Variants in INPP5D observed in about 807,000 individuals in gnomAD.
INPP5D encodes inositol polyphosphate-5-phosphatase D, also known as phosphatidylinositol 3,4,5-trisphosphate 5-phosphatase 1.
A neutral mutation model predicts 122.9 loss-of-function variants in INPP5D; 33 were observed. The observed-to-expected ratio is 0.27, with a 90% CI of 0.20 to 0.36. The LOEUF is 0.36. Among genes scored for constraint, INPP5D ranks in the 10% least tolerant of loss-of-function variants. INPP5D has a pLI of 1.00. For missense variants in INPP5D, 1,053 were observed against 1,412.7 expected (o/e 0.75, Z 4.08); for synonymous variants, 584 against 576.2 (o/e 1.01, Z -0.19).
chr2:233,119,132 T>G (rs1361949193), intron 2 of INPP5D, among the ~76,000 whole-genome samples: 1 of 152,246 alleles, frequency 6.6e-6, no homozygotes, highest in Non-Finnish European at 1.5e-5. Context: ...TAAAATAACG[T>G]GTCTTACTTG....
At chr2:233,109,603 G>C (rs1367377453) in intron 2 of INPP5D, among the ~76,000 whole-genome samples, 1 of 152,070 alleles carries the variant, frequency 6.6e-6, no homozygotes, top group Non-Finnish European at 1.5e-5. Context: ...TGTTGAGATG[G>C]AATCTCGCCC....
At position 233,102,025 on chromosome 2, in the gene INPP5D, C is replaced by T. The variant is rs1012915163; in HGVS notation, c.199-20082C>T. On this transcript the variant is annotated intron_variant, in intron 2 of 26. Coordinates refer to ENST00000445964, the MANE Select transcript of INPP5D (RefSeq NM_001017915.3). ...CGTGGCTCTCACTGACTGGGAGCCA[C>T]GCCCCGGGCTCTGTTAGTTCGTTAA... 5.3e-5 allele frequency among the ~76,000 whole-genome samples: 8 copies of T among 151,860 alleles called. 1 individual carries two copies. The South Asian group carries it at 1.0e-3, about 20-fold the overall frequency.
At chr2:233,190,221 C>A (rs1034985368) in intron 22 of INPP5D, among the ~76,000 whole-genome samples, 2 of 152,194 alleles carry the variant, frequency 1.3e-5, no homozygotes, top group Non-Finnish European at 2.9e-5. Flanking sequence ...ATAACCTTGA[C>A]AAGACCTTAC....
At chr2:233,147,263 G>A (rs1395901095) in intron 8 of INPP5D, among the ~76,000 whole-genome samples, 3 of 152,224 alleles carry the variant, frequency 2.0e-5, no homozygotes, top group African/African-American at 4.8e-5. Flanking sequence ...CACAGTGGAC[G>A]AGGGGGATGC....
chr2:233,156,913 C>T (rs780446387), intron 9 of INPP5D, among the ~76,000 whole-genome samples: 2 of 152,192 alleles, frequency 1.3e-5, no homozygotes, highest in African/African-American at 4.8e-5. Context: ...AGAAAGCCAG[C>T]CTTTCAAGCA....
chr2:233,204,610 C>A lies in INPP5D; in HGVS notation c.3460C>A (p.Gln1154Lys). The change falls in exon 26 of 27, where the codon CAG becomes AAG. Residue 1154 changes from glutamine to lysine, a missense_variant. By Grantham distance (53) the Gln-to-Lys change is moderately conservative. Transcript: ENST00000445964. The part of the protein sequence containing the change: ...PVKSPAVLHL[Q>K]HSKGRDYRDN... ...CAAGAGCCCGGCGGTGCTGCACCTC[C>A]AGCACTCCAAGGGCCGCGACTACCG... 6.3e-7 allele frequency: 1 copy of A among 1,575,912 alleles called. No homozygotes were observed. The highest frequency in any genetic ancestry group is 2.4e-5 in the East Asian group (1 of 42,494).
intron 2 of INPP5D, among the ~76,000 whole-genome samples, chr2:233,085,846 G>A (rs1415336097): frequency 6.6e-6 from 1 of 152,114 alleles, no homozygotes; most frequent in African/African-American, 2.4e-5. Flanking sequence ...CCAAATGACT[G>A]TCTTTATTTT....
At chr2:233,126,404 A>G (rs1051920700) in intron 4 of INPP5D, among the ~76,000 whole-genome samples, 1 of 152,138 alleles carries the variant, frequency 6.6e-6, no homozygotes, top group Non-Finnish European at 1.5e-5. Context: ...CAAAATATGA[A>G]GTAGATGCCG....
At chr2:233,131,111 A>C in intron 5 of INPP5D, 1 of 952,896 alleles carries the variant, frequency 1.0e-6, no homozygotes, top group Non-Finnish European at 1.2e-6. Context: ...TCAAAGGGAG[A>C]TGATTCACCA....
intron 5 of INPP5D, among the ~76,000 whole-genome samples, chr2:233,139,449 A>G (rs920624512): frequency 2.0e-5 from 3 of 147,200 alleles, no homozygotes; most frequent in African/African-American, 5.2e-5. Context: ...GAGCCCAGAA[A>G]TTTGCATTGT....
At chr2:233,101,918 T>C (rs1692326553) in intron 2 of INPP5D, among the ~76,000 whole-genome samples, 1 of 151,976 alleles carries the variant, frequency 6.6e-6, no homozygotes, top group South Asian at 2.1e-4. Flanking sequence ...TGCCCATTCT[T>C]CTGAGCTTCA....
chr2:233,195,927 C>T (rs984820566), intron 24 of INPP5D, among the ~76,000 whole-genome samples: 1 of 152,142 alleles, frequency 6.6e-6, no homozygotes, highest in African/African-American at 2.4e-5. Context: ...GCCGAGATTT[C>T]ACCACTGTAC....
intron 2 of INPP5D, among the ~76,000 whole-genome samples, chr2:233,110,602 A>G (rs1692597199): frequency 6.6e-6 from 1 of 152,196 alleles, no homozygotes; most frequent in South Asian, 2.1e-4. Context: ...GATTTTCAAC[A>G]AACTATTACA....
chr2:233,194,061 G>A (rs921764434), intron 23 of INPP5D, 100 bp downstream of exon 23: 39 of 1,428,080 alleles, frequency 2.7e-5, no homozygotes, highest in South Asian at 1.1e-4. Flanking sequence ...TCTCTGCTGC[G>A]GCCTCAGAGC....
chr2:233,147,738 G>A (rs544272334), intron 9 of INPP5D, 144 bp downstream of exon 9: 94 of 609,496 alleles, frequency 1.5e-4, no homozygotes, highest in African/African-American at 1.5e-3. Context: ...GTGTGTGTGT[G>A]TGTCTCTTCT....
At chr2:233,203,340 A>G (rs891080769) in intron 25 of INPP5D, among the ~76,000 whole-genome samples, 1 of 152,156 alleles carries the variant, frequency 6.6e-6, no homozygotes, top group Non-Finnish European at 1.5e-5. Flanking sequence ...TGTGGAGAGC[A>G]GGCTCATCTG....
At chr2:233,081,198 G>A (rs965949538) in intron 2 of INPP5D, among the ~76,000 whole-genome samples, 5 of 152,238 alleles carry the variant, frequency 3.3e-5, no homozygotes, top group African/African-American at 1.2e-4. Context: ...GTCTCTGACA[G>A]GGGCTCTTCA....
Position 233,078,016 on chromosome 2 carries a change from G to A in INPP5D, c.135-1319G>A, listed in dbSNP as rs1229248122. On this transcript the variant is annotated intron_variant, in intron 1 of 26. Coordinates refer to ENST00000445964, the MANE Select transcript of INPP5D (RefSeq NM_001017915.3). This position sits in a 1 kb window ranked among gnomAD's most constrained non-coding sequence, Gnocchi z 4.6. ...CTGGTCCTGTCTACAGGGCTCTACG[G>A]GCCAGGTGAGCCTTCCGGGCTCAGG... Among the ~76,000 whole-genome samples the A allele has an allele frequency of 2.0e-5, 3 of 152,206 alleles. No individual in the cohort carries two copies. The highest frequency in any genetic ancestry group is 2.9e-5 in the Non-Finnish European group (2 of 68,040).
At chr2:233,067,956 T>C (rs954727861) in intron 1 of INPP5D, among the ~76,000 whole-genome samples, 1 of 152,116 alleles carries the variant, frequency 6.6e-6, no homozygotes, top group Non-Finnish European at 1.5e-5. Flanking sequence ...AGTCCAGGCA[T>C]GTGGTAAGCA....
Sources: allele counts gnomAD v4.1 joint callset (sites outside exome capture counted in the v4.1 genomes callset), GRCh38; gene constraint gnomAD v4.1.1; non-coding constraint Gnocchi (gnomAD v3.1); transcripts MANE v1.5; gene names NCBI Gene and HGNC (gene_info 2026-07-23, HGNC 2026-07-21).